Variants in CRIM1 observed in about 807,000 individuals in gnomAD.
CRIM1 encodes the protein cysteine-rich motor neuron 1 protein.
CRIM1 carries 32 observed loss-of-function variants against 116.4 expected under a neutral mutation model. The observed-to-expected ratio is 0.27, with a 90% confidence interval of 0.21 to 0.37. The LOEUF (loss-of-function observed/expected upper bound fraction) is 0.37. CRIM1 is among the 10% of genes least tolerant of loss of function. The pLI is 1.00. For synonymous variants in CRIM1, 590 were observed against 509.2 expected (o/e 1.16, Z -2.13); for missense variants, 1,331 against 1,354.8 (o/e 0.98, Z 0.28).
intron 2 of CRIM1, among the ~76,000 whole-genome samples, chr2:36,424,568 G>T (rs1674308990): frequency 6.6e-6 from 1 of 152,148 alleles, no homozygotes; most frequent in African/African-American, 2.4e-5. Context: ...TAGGACATAT[G>T]GGAGCATGGC....
chr2:36,451,667 A>G (rs1676735427), intron 4 of CRIM1, among the ~76,000 whole-genome samples: 1 of 152,154 alleles, frequency 6.6e-6, no homozygotes, highest in Non-Finnish European at 1.5e-5. Context: ...GTCAACTCTT[A>G]TCTCCAGAGC....
chr2:36,462,464 C>T (rs750548331), intron 4 of CRIM1, among the ~76,000 whole-genome samples: 8 of 152,214 alleles, frequency 5.3e-5, no homozygotes, highest in African/African-American at 7.2e-5. Flanking sequence ...TGGTGTGACT[C>T]CTAACAGCAT....
At chr2:36,413,441 A>G (rs1482682242) in intron 2 of CRIM1, among the ~76,000 whole-genome samples, 1 of 152,080 alleles carries the variant, frequency 6.6e-6, no homozygotes, top group African/African-American at 2.4e-5. Context: ...TTTTCACAGT[A>G]CAGTCAACAC....
At chr2:36,449,252 G>A (rs1343047214) in intron 4 of CRIM1, among the ~76,000 whole-genome samples, 1 of 152,142 alleles carries the variant, frequency 6.6e-6, no homozygotes, top group East Asian at 1.9e-4. Context: ...GTTTCATAGA[G>A]GGAGCATTGT....
chr2:36,425,090 C>G (rs1158657605), intron 2 of CRIM1, among the ~76,000 whole-genome samples: 1 of 152,146 alleles, frequency 6.6e-6, no homozygotes, highest in African/African-American at 2.4e-5. Flanking sequence ...GAGACCAATC[C>G]ATGCTAGCTA....
chr2:36,455,471 C>T (rs1478735511), intron 4 of CRIM1, among the ~76,000 whole-genome samples: 1 of 152,300 alleles, frequency 6.6e-6, no homozygotes, highest in East Asian at 1.9e-4. Flanking sequence ...TTAACTTACT[C>T]AAGGTCACAT....
chr2:36,420,895 C>A (rs1314090057), intron 2 of CRIM1, among the ~76,000 whole-genome samples: 10 of 152,134 alleles, frequency 6.6e-5, no homozygotes. Flanking sequence ...CATTTTTCAG[C>A]CATTTAGGAA....
In CRIM1 at chr2:36,534,559, CAGGAAGGAAGGG is replaced by C. The variant is rs1003634614; in HGVS notation, c.2429-2778_2429-2767del. The stretch of plus-strand genomic sequence containing the variant: ...AGGAAGGAAGGGAGAGAGGGAGGGA[CAGGAAGGAAGGG>C]AGGAAGGAAGGGAGAGACAGGAAGA... On this transcript the variant is annotated intron_variant, in intron 13 of 16. Transcript: ENST00000280527. Among the ~76,000 whole-genome samples the C allele has an allele frequency of 2.6e-4, 25 of 94,614 alleles. 1 individual carries two copies. In the South Asian group the frequency reaches 4.7e-3, roughly 18 times the overall value. 62.1% of individuals were successfully genotyped at this position (94,614 alleles called of 152,430 possible).
chr2:36,502,282 AG>A (rs1681055234), intron 8 of CRIM1, among the ~76,000 whole-genome samples: 1 of 152,144 alleles, frequency 6.6e-6, no homozygotes, highest in Non-Finnish European at 1.5e-5. Context: ...CTTGGCAAAT[AG>A]TCACTGGCAA....
intron 1 of CRIM1, among the ~76,000 whole-genome samples, chr2:36,382,607 C>T (rs1670865664): frequency 1.3e-5 from 2 of 152,204 alleles, no homozygotes; most frequent in South Asian, 2.1e-4. Context: ...GGCCTGCCAG[C>T]CCAGGTGTGC....
At chr2:36,451,185 G>A (rs774017239) in intron 4 of CRIM1, among the ~76,000 whole-genome samples, 3 of 152,200 alleles carry the variant, frequency 2.0e-5, no homozygotes, top group African/African-American at 7.2e-5. Context: ...GTATAGTGGT[G>A]AATAAAATGT....
chr2:36,526,030 ATAAT>A (rs547044109), intron 13 of CRIM1, among the ~76,000 whole-genome samples: 47 of 152,354 alleles, frequency 3.1e-4, no homozygotes, highest in East Asian at 1.9e-3. Flanking sequence ...TAATATAGAC[ATAAT>A]TAATAGGATT....
chr2:36,403,263 T>G (rs559676951), intron 2 of CRIM1, among the ~76,000 whole-genome samples: 2 of 152,284 alleles, frequency 1.3e-5, no homozygotes, highest in East Asian at 3.9e-4. Flanking sequence ...ACTTAGGGCT[T>G]TAGATAATTC....
At chr2:36,457,873 A>G (rs1223130474) in intron 4 of CRIM1, among the ~76,000 whole-genome samples, 2 of 152,218 alleles carry the variant, frequency 1.3e-5, no homozygotes, top group African/African-American at 4.8e-5. Context: ...ACTGTGTTTT[A>G]TATGTCATTA....
intron 7 of CRIM1, among the ~76,000 whole-genome samples, chr2:36,487,327 T>C (rs1191175266): frequency 6.6e-6 from 1 of 152,176 alleles, no homozygotes; most frequent in Non-Finnish European, 1.5e-5. Flanking sequence ...TTAAACATAC[T>C]AAAATGTACA....
chr2:36,461,470 C>G (rs1404224633), intron 4 of CRIM1, among the ~76,000 whole-genome samples: 1 of 152,164 alleles, frequency 6.6e-6, no homozygotes, highest in African/African-American at 2.4e-5. Flanking sequence ...ATTTCCTGTT[C>G]ATGACTCAGT....
intron 14 of CRIM1, among the ~76,000 whole-genome samples, chr2:36,541,303 T>G (rs571692701): frequency 3.0e-4 from 46 of 152,314 alleles, no homozygotes; most frequent in African/African-American, 7.5e-4. Flanking sequence ...GAACCTTGCT[T>G]CTTCCTTTAG....
chr2:36,355,828 G>A lies in CRIM1; in HGVS notation c.-465G>A, dbSNP rs1323998226. On this transcript the variant is annotated 5_prime_UTR_variant, in exon 1 of 17. Transcript: ENST00000280527. ...GAGCGGACGCCGCGGATCTTGTGCTGCGCCACCGCGCCCACTCGGCAGCTC... is the reference window on the plus strand; with the variant it reads ...GAGCGGACGCCGCGGATCTTGTGCTACGCCACCGCGCCCACTCGGCAGCTC... 1 of 151,620 alleles carries A rather than the reference G, an allele frequency of 6.6e-6. No homozygotes were observed. The highest frequency in any genetic ancestry group is 1.5e-5 in the Non-Finnish European group (1 of 67,910). The allele number at this position is 151,620 out of a possible 1,614,324, so 9.4% of individuals were successfully genotyped here.
intron 2 of CRIM1, among the ~76,000 whole-genome samples, chr2:36,405,352 A>G (rs1271808078): frequency 6.6e-6 from 1 of 152,084 alleles, no homozygotes; most frequent in East Asian, 1.9e-4. Flanking sequence ...GTAGCAAGAA[A>G]CCTGCTGCCA....
Sources: gnomAD v4.1 joint callset for allele counts (sites outside exome capture counted in the v4.1 genomes callset) on GRCh38, gnomAD v4.1.1 for gene constraint, MANE v1.5 for transcripts, NCBI Gene and HGNC (gene_info 2026-07-23, HGNC 2026-07-21) for gene names.